The following FAM161B variants were observed in gnomAD, a reference collection of about 807,000 sequenced individuals.
FAM161B encodes the protein FAM161 centrosomal protein B.
Under a neutral mutation model 61.5 loss-of-function variants are expected in FAM161B, and 46 were observed. The ratio of observed to expected loss-of-function variants is 0.75; its 90% CI spans 0.59 to 0.96. The LOEUF is 0.96. FAM161B is among the 40% of genes least tolerant of loss of function. The probability of loss-of-function intolerance (pLI) is 0.00; values close to 1 mark genes in which losing one functional copy is unlikely to be tolerated. For missense variants in FAM161B, 774 were observed against 800.7 expected (o/e 0.97, Z 0.40); for synonymous variants, 284 against 302.7 (o/e 0.94, Z 0.64).
rs114761543 is a variant in FAM161B, at chr14:73,944,787, T to C, written c.473A>G (p.Gln158Arg). Residue 158 changes from glutamine (Q) to arginine (R), a missense_variant, in exon 3 of 9, where the codon CAG (glutamine) becomes CGG (arginine). Transcript: ENST00000286544. Reference protein sequence around the residue: ...QPPSGSRPPSQHRSVSSWASS... With the variant: ...QPPSGSRPPSRHRSVSSWASS... ...TGCCCAGGAGCTGACGCTTCTGTGC[T>C]GGGAGGGAGGCCGGGAGCCTGAGGG... 921 of 1,585,548 alleles carry C rather than the reference T, an allele frequency of 5.8e-4. 4 individuals carry two copies. The African/African-American group carries it at 0.011, about 19-fold the overall frequency.
chr14:73,948,212 T>C (rs375498681), intron 1 of FAM161B, among the ~76,000 whole-genome samples: 9 of 152,298 alleles, frequency 5.9e-5, no homozygotes, highest in South Asian at 4.1e-4. Context: ...GCGTGAGCCA[T>C]TGGGCCCCGC....
At chr14:73,935,774 T>C (rs4903157) in intron 8 of FAM161B, among the ~76,000 whole-genome samples, 175 bp downstream of exon 8, 149,434 of 152,350 alleles carry the variant, frequency 0.98, 73,305 homozygotes, top group East Asian at 1. Context: ...CACAACTGCA[T>C]CACTCTCTAA....
At position 73,944,398 on chromosome 14, in the gene FAM161B, G is replaced by A. The variant is rs779003979; in HGVS notation, c.862C>T (p.Gln288Ter). Residue 288 changes from glutamine to a stop codon, truncating the protein, a stop_gained, in exon 3 of 9, where the codon CAG becomes TAG. Coordinates refer to ENST00000286544, the MANE Select transcript of FAM161B (RefSeq NM_152445.3). LOFTEE classifies it high-confidence loss of function. Reference protein sequence around the residue: ...AATAEAKISKQKATRRIPKSI... With the variant: ...AATAEAKISK ...TTGGGAATCCTTCTGGTGGCCTTCT[G>A]CTTGGAGATCTTGGCTTCAGCTGTG... 2 of 1,609,332 alleles carry A rather than the reference G, an allele frequency of 1.2e-6. No homozygotes were observed. Among genetic ancestry groups the A allele is most frequent in the East Asian group, 4.5e-5 (2 of 44,704 alleles).
rs375138681 is a variant in FAM161B, at chr14:73,942,346, C to G, written c.1272+23G>C. ...TATTTCAGGCCGCAGCCCTGACCCT[C>G]CCACAGCTGCCTGGGCTCTCACCTG... On this transcript the variant is annotated intron_variant, in intron 4 of 8. Coordinates refer to ENST00000286544, the MANE Select transcript of FAM161B (RefSeq NM_152445.3). 412 of 1,608,678 alleles carry G rather than the reference C, an allele frequency of 2.6e-4. 1 individual carries two copies. The highest frequency in any genetic ancestry group is 3.4e-4 in the Non-Finnish European group (404 of 1,177,068).
intron 5 of FAM161B, among the ~76,000 whole-genome samples, chr14:73,939,299 G>A (rs1233154413): frequency 2.6e-5 from 4 of 151,672 alleles, no homozygotes; most frequent in Non-Finnish European, 5.9e-5. Flanking sequence ...ACTCTGTCTC[G>A]AAAAAAAATA....
chr14:73,934,541 A>G (rs1566672153), intron 8 of FAM161B, 147 bp from the exon 9 acceptor site: 2 of 640,228 alleles, frequency 3.1e-6, no homozygotes, highest in African/African-American at 1.9e-5. Context: ...ACCTCAAGCA[A>G]TCCTCCCACC....
At chr14:73,947,805 G>C (rs2056079191) in intron 1 of FAM161B, among the ~76,000 whole-genome samples, 1 of 152,186 alleles carries the variant, frequency 6.6e-6, no homozygotes, top group South Asian at 2.1e-4. Context: ...AGGGAACTTA[G>C]GGTTGAGGGT....
At chr14:73,944,285 G>T in intron 3 of FAM161B, 50 bp downstream of exon 3, 2 of 1,531,958 alleles carry the variant, frequency 1.3e-6, no homozygotes, top group Non-Finnish European at 1.8e-6. Context: ...CCCTATGGTG[G>T]GATTGGTTCC....
At chr14:73,941,786 A>G (rs1323167884) in intron 4 of FAM161B, among the ~76,000 whole-genome samples, 1 of 151,892 alleles carries the variant, frequency 6.6e-6, no homozygotes, top group Non-Finnish European at 1.5e-5. Context: ...GCTCACTGCA[A>G]TCTCCGCCTC....
downstream of FAM161B, chr14:73,931,393 C>T: frequency 1.1e-6 from 1 of 889,204 alleles, no homozygotes; most frequent in Non-Finnish European, 1.7e-6. Flanking sequence ...AGCCTTCATT[C>T]ACCCCTGTAG....
chr14:73,946,230 G>C, intron 2 of FAM161B, 56 bp downstream of exon 2: 1 of 1,525,520 alleles, frequency 6.6e-7, no homozygotes. Context: ...CCAGAGACAC[G>C]ATGTGACCTG....
chr14:73,930,764 A>G (rs1230823154), downstream of FAM161B, among the ~76,000 whole-genome samples: 2 of 151,976 alleles, frequency 1.3e-5, no homozygotes, highest in East Asian at 3.9e-4. Flanking sequence ...CACCATGCTT[A>G]ATTTTTAAAA....
At position 73,933,748 on chromosome 14, in the gene FAM161B, C is replaced by T. The variant is rs369766435; in HGVS notation, c.*508G>A. On this transcript the variant is annotated 3_prime_UTR_variant, in exon 9 of 9. Transcript: ENST00000286544. ...CTAAGTGTGAGGCACAAAGCAGGAA[C>T]CCTTAACTTTAGGCTACCATCCCTC... 1 of 153,010 alleles carries T rather than the reference C, an allele frequency of 6.5e-6. No homozygotes were observed. Among genetic ancestry groups the T allele is most frequent in the East Asian group, 1.9e-4 (1 of 5,204 alleles). 9.5% of individuals were successfully genotyped at this position (153,010 alleles called of 1,614,324 possible).
chr14:73,949,778 A>G (rs1192902312), intron 1 of FAM161B, 195 bp downstream of exon 1: 1 of 692,606 alleles, frequency 1.4e-6, no homozygotes, highest in Non-Finnish European at 2.4e-6. Context: ...ACTGAGTGAC[A>G]TTGCCTATCA....
chr14:73,932,260 A>G (rs2055927477), downstream of FAM161B: 4 of 337,742 alleles, frequency 1.2e-5, no homozygotes, highest in South Asian at 9.4e-5. Flanking sequence ...TCCTTTAAAT[A>G]AACAAAACAG....
chr14:73,922,930 A>C, the FAM161B span: 6 of 152,328 alleles, frequency 3.9e-5, no homozygotes, highest in Admixed American at 6.5e-5. Context: ...TAGTTTTTTG[A>C]GGGCTAAGTG....
chr14:73,949,893 G>T, intron 1 of FAM161B, 80 bp downstream of exon 1: 1 of 1,572,954 alleles, frequency 6.4e-7, no homozygotes. Context: ...ACACGCCCCT[G>T]CTGTCTGTCT....
chr14:73,943,460 G>A (rs1270811361), intron 3 of FAM161B, among the ~76,000 whole-genome samples: 1 of 152,084 alleles, frequency 6.6e-6, no homozygotes, highest in East Asian at 1.9e-4. Context: ...TCGCCAACGT[G>A]GCTTGCAAAG....
intron 7 of FAM161B, among the ~76,000 whole-genome samples, chr14:73,937,219 G>T (rs1368012414): frequency 6.6e-6 from 1 of 152,172 alleles, no homozygotes; most frequent in African/African-American, 2.4e-5. Context: ...GGCTGGGGAG[G>T]CCCAGGGCCA....
Sources: allele counts gnomAD v4.1 joint callset (sites outside exome capture counted in the v4.1 genomes callset), GRCh38; gene constraint gnomAD v4.1.1; transcripts MANE v1.5; gene names NCBI Gene and HGNC (gene_info 2026-07-23, HGNC 2026-07-21).